LRRC4C: variants seen among roughly 807,000 people sequenced by gnomAD.
The protein encoded by LRRC4C is leucine-rich repeat-containing protein 4C.
A neutral mutation model predicts 33.6 loss-of-function variants in LRRC4C; 5 were observed. That is an observed-to-expected ratio of 0.15 (90% CI 0.08 to 0.31). LRRC4C has a LOEUF of 0.31. Ranked by LOEUF, LRRC4C falls within the 10% of genes least tolerant of loss-of-function variation. The pLI, the probability that LRRC4C is intolerant of heterozygous loss-of-function variation, is 1.00. For synonymous variants in LRRC4C, 329 were observed against 302.0 expected, an observed-to-expected ratio of 1.09 and a Z score of -0.93; for missense variants, 560 against 796.7, an observed-to-expected ratio of 0.70 and a Z score of 3.58.
chr11:40,851,215 T>G (rs7127646), intron 2 of LRRC4C, among the ~76,000 whole-genome samples: 18,505 of 152,054 alleles, frequency 0.12, 1,215 homozygotes, highest in South Asian at 0.15. Context: ...GCTTGGCTTC[T>G]GCCCAATCAG....
chr11:40,499,146 A>G (rs541596914), intron 3 of LRRC4C, among the ~76,000 whole-genome samples: 1 of 152,254 alleles, frequency 6.6e-6, no homozygotes, highest in African/African-American at 2.4e-5. Flanking sequence ...TGGAGAGAGG[A>G]TGGGAAAATG....
chr11:40,862,835 G>A (rs1222807336), intron 2 of LRRC4C, among the ~76,000 whole-genome samples: 2 of 152,164 alleles, frequency 1.3e-5, no homozygotes, highest in Non-Finnish European at 2.9e-5. Context: ...TCCATTTTGA[G>A]CCAATGTTCT....
chr11:40,467,773 T>C (rs1279435995), intron 3 of LRRC4C, among the ~76,000 whole-genome samples: 1 of 152,180 alleles, frequency 6.6e-6, no homozygotes. Context: ...CTTGGAGCAA[T>C]ATGCTCTATG....
intron 1 of LRRC4C, among the ~76,000 whole-genome samples, chr11:41,139,853 C>T (rs919475747): frequency 2.6e-5 from 4 of 151,978 alleles, no homozygotes; most frequent in African/African-American, 4.8e-5. Flanking sequence ...GTGTGGGAGA[C>T]GGTGTGGTGG....
At chr11:41,095,862 A>G (rs1731252655) in intron 1 of LRRC4C, among the ~76,000 whole-genome samples, 1 of 152,008 alleles carries the variant, frequency 6.6e-6, no homozygotes, top group Admixed American at 6.6e-5. Flanking sequence ...ATTGATTCAA[A>G]CCTCAAGGTG....
chr11:40,451,386 T>C (rs1951877557), intron 3 of LRRC4C, among the ~76,000 whole-genome samples: 1 of 114,454 alleles, frequency 8.7e-6, no homozygotes, highest in Non-Finnish European at 1.8e-5. Flanking sequence ...TTTTTTTTTT[T>C]TTTTTTTTTT....
intron 3 of LRRC4C, among the ~76,000 whole-genome samples, chr11:40,629,692 C>A (rs1018791790): frequency 1.3e-5 from 2 of 152,322 alleles, no homozygotes; most frequent in Middle Eastern, 6.8e-3. Context: ...ATTTCCCATT[C>A]ATATGCAAAA....
chr11:40,876,260 GTTTTTT>G (rs34351895), intron 2 of LRRC4C, among the ~76,000 whole-genome samples: 10 of 91,318 alleles, frequency 1.1e-4, no homozygotes, highest in Non-Finnish European at 2.0e-4. Context: ...CTCAGTTAGG[GTTTTTT>G]TTTTTTTTTT....
At chr11:40,461,509 T>G (rs1190180432) in intron 3 of LRRC4C, among the ~76,000 whole-genome samples, 4 of 152,042 alleles carry the variant, frequency 2.6e-5, no homozygotes, top group Admixed American at 6.6e-5. Context: ...TAAAGTGTTC[T>G]GTATAGTGTC....
chr11:40,430,133 A>G (rs1950863242), intron 3 of LRRC4C, among the ~76,000 whole-genome samples: 1 of 152,048 alleles, frequency 6.6e-6, no homozygotes. Flanking sequence ...TGGGCTTTAC[A>G]TCAATCAAAG....
At chr11:40,653,674 C>T (rs555356114) in intron 2 of LRRC4C, among the ~76,000 whole-genome samples, 16 of 152,178 alleles carry the variant, frequency 1.1e-4, no homozygotes, top group African/African-American at 3.1e-4. Flanking sequence ...CCTGATGATG[C>T]GATAGAAAAG....
At chr11:40,233,418 T>C (rs1388620999) in intron 5 of LRRC4C, among the ~76,000 whole-genome samples, 1 of 152,246 alleles carries the variant, frequency 6.6e-6, no homozygotes, top group African/African-American at 2.4e-5. Context: ...AAACAATATA[T>C]GCTCTCTTAG....
intron 2 of LRRC4C, among the ~76,000 whole-genome samples, chr11:40,898,358 A>AAAAAAAAAAAAG (rs1334644110): frequency 6.9e-6 from 1 of 145,392 alleles, no homozygotes; most frequent in African/African-American, 2.5e-5. Flanking sequence ...CATCTCAAAA[A>AAAAAAAAAAAAG]AAAAAAAAAA....
At chr11:41,201,291 G>C (rs748107481) in intron 1 of LRRC4C, among the ~76,000 whole-genome samples, 1 of 152,218 alleles carries the variant, frequency 6.6e-6, no homozygotes, top group African/African-American at 2.4e-5. Context: ...AATTAACCTA[G>C]AAGGTGCCTT....
At chr11:40,630,336 T>A (rs866803923) in intron 3 of LRRC4C, among the ~76,000 whole-genome samples, 1 of 13,332 alleles carries the variant, frequency 7.5e-5, no homozygotes, top group African/African-American at 1.4e-4. Flanking sequence ...CTTCCTCTTC[T>A]TCTTCTTCTT....
intron 3 of LRRC4C, among the ~76,000 whole-genome samples, chr11:40,534,070 C>A (rs1167643814): frequency 6.6e-6 from 1 of 152,086 alleles, no homozygotes; most frequent in African/African-American, 2.4e-5. Flanking sequence ...CATGGTTCCA[C>A]CACTTATTAG....
chr11:40,855,507 C>G (rs999859671), intron 2 of LRRC4C, among the ~76,000 whole-genome samples: 1 of 152,006 alleles, frequency 6.6e-6, no homozygotes, highest in Non-Finnish European at 1.5e-5. Context: ...TTACTTGGAG[C>G]CTTTCTGGGA....
intron 3 of LRRC4C, among the ~76,000 whole-genome samples, chr11:40,380,951 G>A (rs773039834): frequency 1.3e-5 from 2 of 152,034 alleles, no homozygotes; most frequent in Admixed American, 6.6e-5. Flanking sequence ...CAGCTATTCC[G>A]TGCATGCGAG....
chr11:40,870,868 T>C (rs1451661471), intron 2 of LRRC4C, among the ~76,000 whole-genome samples: 1 of 152,122 alleles, frequency 6.6e-6, no homozygotes, highest in African/African-American at 2.4e-5. Flanking sequence ...AACCTTAAAC[T>C]CTGACTGCCG....
Sources: allele counts gnomAD v4.1 joint callset (sites outside exome capture counted in the v4.1 genomes callset), GRCh38; gene constraint gnomAD v4.1.1; transcripts MANE v1.5; gene names NCBI Gene and HGNC (gene_info 2026-07-23, HGNC 2026-07-21).